OSBPL5: variants seen among roughly 807,000 people sequenced by gnomAD.
OSBPL5 encodes the protein oxysterol-binding protein-related protein 5.
OSBPL5 carries 71 observed loss-of-function variants against 111.2 expected under a neutral mutation model. The observed-to-expected ratio is 0.64, with a 90% confidence interval of 0.53 to 0.78. The LOEUF (loss-of-function observed/expected upper bound fraction) is 0.78. Among genes scored for constraint, OSBPL5 ranks in the 30% least tolerant of loss-of-function variants. OSBPL5 has a pLI of 0.00. For missense variants in OSBPL5, 1,210 were observed against 1,189.3 expected, an observed-to-expected ratio of 1.02 and a Z score of -0.26; for synonymous variants, 549 against 513.9, an observed-to-expected ratio of 1.07 and a Z score of -0.93.
intron 1 of OSBPL5, among the ~76,000 whole-genome samples, chr11:3,143,407 C>T (rs546963271): frequency 4.6e-5 from 7 of 152,328 alleles, no homozygotes; most frequent in African/African-American, 1.7e-4. Context: ...CGCACGCACG[C>T]TCCCAGCAGC....
chr11:3,154,616 CAG>C lies in OSBPL5; in HGVS notation c.-22+10598_-22+10599del, dbSNP rs1429929207. ...ACTCCGGGCAAATGCTGGGCCCTCA[CAG>C]GGGATAAAAACAGAACCCACTGACG... On this transcript the variant is annotated intron_variant, in intron 1 of 21. Transcript: ENST00000263650. This position sits in a 1 kb window ranked among gnomAD's most constrained non-coding sequence, Gnocchi z 4.9. Among the ~76,000 whole-genome samples, 4 of 152,186 alleles carry C rather than the reference CAG, an allele frequency of 2.6e-5. No homozygotes were observed. Among genetic ancestry groups the C allele is most frequent in the Non-Finnish European group, 5.9e-5 (4 of 68,040 alleles).
intron 19 of OSBPL5, among the ~76,000 whole-genome samples, chr11:3,091,862 G>A (rs770756286): frequency 1.3e-5 from 2 of 152,158 alleles, no homozygotes; most frequent in African/African-American, 4.8e-5. Context: ...GGTGAGCACC[G>A]GCCGCGCTCT....
intron 14 of OSBPL5, among the ~76,000 whole-genome samples, chr11:3,099,051 A>G (rs7124388): frequency 6.6e-6 from 1 of 151,420 alleles, no homozygotes; most frequent in Non-Finnish European, 1.5e-5. Context: ...GATTCCCCCA[A>G]CTCTACCTCC....
At chr11:3,095,572 A>G (rs1013459405) in intron 14 of OSBPL5, among the ~76,000 whole-genome samples, 3 of 152,218 alleles carry the variant, frequency 2.0e-5, no homozygotes, top group East Asian at 1.9e-4. Context: ...GGCAATTTCA[A>G]TATCAATAAA....
chr11:3,149,588 G>T (rs1846498378), intron 1 of OSBPL5, among the ~76,000 whole-genome samples: 1 of 152,252 alleles, frequency 6.6e-6, no homozygotes, highest in Non-Finnish European at 1.5e-5. Flanking sequence ...AGCAGCAGGT[G>T]CCCGCTGCAG....
At chr11:3,118,794 C>T (rs563498463) in intron 7 of OSBPL5, among the ~76,000 whole-genome samples, 1 of 152,154 alleles carries the variant, frequency 6.6e-6, no homozygotes, top group East Asian at 1.9e-4. Context: ...TGGTCAAACT[C>T]CTGACCTCAG....
At chr11:3,111,624 G>A (rs1857936092) in intron 7 of OSBPL5, among the ~76,000 whole-genome samples, 2 of 152,022 alleles carry the variant, frequency 1.3e-5, no homozygotes, top group South Asian at 4.1e-4. Flanking sequence ...CAAATCTGAA[G>A]GAAGTTCCAA....
At chr11:3,114,546 G>A (rs902852390) in intron 7 of OSBPL5, among the ~76,000 whole-genome samples, 2 of 142,706 alleles carry the variant, frequency 1.4e-5, no homozygotes, top group South Asian at 4.5e-4. Context: ...GATTGGGTTT[G>A]ATGTAAAAAA....
chr11:3,088,268 TC>T lies in OSBPL5; in HGVS notation c.2576del (p.Arg859HisfsTer33), dbSNP rs772682582. The T allele has an allele frequency of 6.2e-7, 1 of 1,608,558 alleles. No homozygotes were observed. Among genetic ancestry groups the T allele is most frequent in the Non-Finnish European group, 8.5e-7 (1 of 1,177,578 alleles). ...GGAACACGCAGAGCAGGAACCAGGATCGGGGGCTCTGCAGGAGGCCTGGGGT... is the reference window on the plus strand; with the variant it reads ...GGAACACGCAGAGCAGGAACCAGGATGGGGGCTCTGCAGGAGGCCTGGGGT... Reference protein sequence around the residue: ...APTPGLLQSPRSWFLLCVFLA... With the variant: ...APTPGLLQSPXSWFLLCVFLA... On this transcript the variant is annotated frameshift_variant, in exon 22 of 22. Transcript: ENST00000263650. LOFTEE classifies it high-confidence loss of function.
At position 3,140,043 on chromosome 11, in the gene OSBPL5, C is replaced by T. The variant is rs1345131511; in HGVS notation, c.-21-10874G>A. The stretch of plus-strand genomic sequence containing the variant: ...TTCATCGCAAGCTCTGGGCCCACTG[C>T]TCGGCTGTGCAGCCTGGGAGGGGGG... On this transcript the variant is annotated intron_variant, in intron 1 of 21. Coordinates refer to ENST00000263650, the MANE Select transcript of OSBPL5 (RefSeq NM_020896.4). This position sits in a 1 kb window ranked among gnomAD's most constrained non-coding sequence, Gnocchi z 4.5. 1.3e-5 allele frequency among the ~76,000 whole-genome samples: 2 copies of T among 152,258 alleles called. No homozygotes were observed. Among genetic ancestry groups the T allele is most frequent in the Non-Finnish European group, 2.9e-5 (2 of 68,030 alleles).
chr11:3,137,853 G>A (rs985874660), intron 1 of OSBPL5, among the ~76,000 whole-genome samples: 1 of 152,232 alleles, frequency 6.6e-6, no homozygotes, highest in Non-Finnish European at 1.5e-5. Flanking sequence ...GCCCATCTAA[G>A]GTCTCGTGGG....
chr11:3,119,790 CTT>C (rs1858339431), intron 6 of OSBPL5, 159 bp from the exon 7 acceptor site: 1 of 594,476 alleles, frequency 1.7e-6, no homozygotes, highest in African/African-American at 2.0e-5. Context: ...CAGGTAGACA[CTT>C]GGCTGCAGAG....
At chr11:3,112,018 T>C (rs1857976484) in intron 7 of OSBPL5, among the ~76,000 whole-genome samples, 1 of 67,172 alleles carries the variant, frequency 1.5e-5, no homozygotes, top group South Asian at 3.7e-4. Flanking sequence ...TGCGCGCATG[T>C]GTGTGCATGT....
chr11:3,106,802 C>T lies in OSBPL5; in HGVS notation c.1059+461G>A, dbSNP rs1229230294. Among the ~76,000 whole-genome samples the T allele has an allele frequency of 6.6e-6, 1 of 152,166 alleles. No homozygotes were observed. Among genetic ancestry groups the T allele is most frequent in the African/African-American group, 2.4e-5 (1 of 41,442 alleles). ...CTGCCCATACACTGGGGGCCCAGAGCCCAGGTCTGTCTCATTCATGGCTCT... is the reference window on the plus strand; with the variant it reads ...CTGCCCATACACTGGGGGCCCAGAGTCCAGGTCTGTCTCATTCATGGCTCT... On this transcript the variant is annotated intron_variant, in intron 9 of 21. Transcript: ENST00000263650. The surrounding 1 kb of genome is among the most constrained non-coding windows in gnomAD (Gnocchi z 8.4).
At chr11:3,135,129 C>T (rs769518180) in intron 1 of OSBPL5, among the ~76,000 whole-genome samples, 39 of 152,238 alleles carry the variant, frequency 2.6e-4, no homozygotes, top group African/African-American at 7.2e-4. Flanking sequence ...TGACCGCCCC[C>T]GTGCGTCTCT....
intron 7 of OSBPL5, among the ~76,000 whole-genome samples, chr11:3,112,062 T>TGTGTGC (rs75427714): frequency 6.4e-5 from 4 of 62,696 alleles, no homozygotes; most frequent in African/African-American, 1.7e-4. Flanking sequence ...TGTGCATGTG[T>TGTGTGC]ATGTGTGTGT....
At chr11:3,094,188 C>T (rs142899297) in intron 15 of OSBPL5, 49 bp downstream of exon 15, 2 of 1,564,076 alleles carry the variant, frequency 1.3e-6, no homozygotes, top group African/African-American at 2.7e-5. Flanking sequence ...ATCCCCAAGG[C>T]TTCGTTCCTT....
intron 14 of OSBPL5, among the ~76,000 whole-genome samples, chr11:3,099,547 T>C (rs1857384448): frequency 1.3e-5 from 2 of 152,276 alleles, no homozygotes; most frequent in South Asian, 2.1e-4. Flanking sequence ...AGAAAGTCTG[T>C]TAATGAAAAA....
Position 3,130,408 on chromosome 11 carries a change from G to C in OSBPL5, c.-21-1239C>G, listed in dbSNP as rs192731221. Among the ~76,000 whole-genome samples, 1 of 152,220 alleles carries C rather than the reference G, an allele frequency of 6.6e-6. No individual in the cohort carries two copies. The highest frequency in any genetic ancestry group is 2.4e-5 in the African/African-American group (1 of 41,446). On this transcript the variant is annotated intron_variant, in intron 1 of 21. Transcript: ENST00000263650. The surrounding 1 kb of genome is among the most constrained non-coding windows in gnomAD (Gnocchi z 4.5). ...TCTCCCATGGTCCTGGGCTTTGCTG[G>C]GGGGGGCCTCAGACACACAGAGACT...
Sources: allele counts gnomAD v4.1 joint callset (sites outside exome capture counted in the v4.1 genomes callset), GRCh38; gene constraint gnomAD v4.1.1; non-coding constraint Gnocchi (gnomAD v3.1); transcripts MANE v1.5; gene names NCBI Gene and HGNC (gene_info 2026-07-23, HGNC 2026-07-21).